NLGN1: variants seen among roughly 807,000 people sequenced by gnomAD.
NLGN1 encodes the protein neuroligin 1.
NLGN1 carries 12 observed loss-of-function variants against 65.5 expected under a neutral mutation model. That is an observed-to-expected ratio of 0.18 (90% CI 0.12 to 0.30). The LOEUF is 0.30. Among genes scored for constraint, NLGN1 ranks in the 10% least tolerant of loss-of-function variants. The pLI, the probability that NLGN1 is intolerant of heterozygous loss-of-function variation, is 1.00. For missense variants in NLGN1, 750 were observed against 1,007.1 expected (o/e 0.74, Z 3.46); for synonymous variants, 350 against 359.5 (o/e 0.97, Z 0.30).
At chr3:173,899,799 G>C (rs1223353219) in intron 4 of NLGN1, among the ~76,000 whole-genome samples, 1 of 152,016 alleles carries the variant, frequency 6.6e-6, no homozygotes, top group African/African-American at 2.4e-5. Flanking sequence ...GTGTAAGTTT[G>C]CTTGCCCATG....
At chr3:173,987,584 T>C (rs1039682315) in intron 4 of NLGN1, among the ~76,000 whole-genome samples, 8 of 152,208 alleles carry the variant, frequency 5.3e-5, no homozygotes, top group African/African-American at 1.9e-4. Context: ...TTATAGTTTC[T>C]ATCTCTTTTG....
At chr3:173,819,440 C>T (rs1719735344) in intron 4 of NLGN1, among the ~76,000 whole-genome samples, 1 of 152,146 alleles carries the variant, frequency 6.6e-6, no homozygotes, top group Admixed American at 6.5e-5. Context: ...AATTACTTTG[C>T]TCTTCTTCTT....
chr3:173,720,276 G>A (rs1770612969), intron 3 of NLGN1, among the ~76,000 whole-genome samples: 1 of 152,106 alleles, frequency 6.6e-6, no homozygotes, highest in South Asian at 2.1e-4. Flanking sequence ...TTGAGGCGGG[G>A]GGTGCCGGCG....
intron 3 of NLGN1, among the ~76,000 whole-genome samples, chr3:173,746,160 G>A (rs1775326028): frequency 6.6e-6 from 1 of 152,014 alleles, no homozygotes; most frequent in African/African-American, 2.4e-5. Context: ...GCGCTTGGTG[G>A]CATGCACCTG....
intron 2 of NLGN1, among the ~76,000 whole-genome samples, chr3:173,456,294 G>A (rs1722507062): frequency 6.6e-6 from 1 of 152,148 alleles, no homozygotes; most frequent in Non-Finnish European, 1.5e-5. Flanking sequence ...AGGTGAGGAT[G>A]GGGAGAAGGC....
intron 2 of NLGN1, among the ~76,000 whole-genome samples, chr3:173,538,965 G>A (rs536550972): frequency 1.3e-5 from 2 of 150,166 alleles, no homozygotes; most frequent in East Asian, 4.0e-4. Flanking sequence ...TTTCTTCCAA[G>A]TCCCTAACCA....
At chr3:173,516,779 A>G (rs1476712711) in intron 2 of NLGN1, among the ~76,000 whole-genome samples, 3 of 152,044 alleles carry the variant, frequency 2.0e-5, no homozygotes, top group Non-Finnish European at 4.4e-5. Context: ...TTCTGACACC[A>G]ATAGGGCTTA....
chr3:173,998,880 T>A (rs1432807495), intron 4 of NLGN1, among the ~76,000 whole-genome samples: 1 of 152,220 alleles, frequency 6.6e-6, no homozygotes, highest in Non-Finnish European at 1.5e-5. Flanking sequence ...TCATGCTGAA[T>A]GCCATCACTT....
At chr3:174,255,435 C>CAAAAAAAAAAAAAAAAAAAAAAAAAAAA (rs71162383) in intron 4 of NLGN1, among the ~76,000 whole-genome samples, 4 of 70,232 alleles carry the variant, frequency 5.7e-5, no homozygotes, top group African/African-American at 1.5e-4. Context: ...GACTCTGTCT[C>CAAAAAAAAAAAAAAAAAAAAAAAAAAAA]AAAAAAAAAA....
At chr3:173,832,344 ACTATT>A (rs1219164182) in intron 4 of NLGN1, among the ~76,000 whole-genome samples, 3 of 152,218 alleles carry the variant, frequency 2.0e-5, no homozygotes, top group African/African-American at 7.2e-5. Flanking sequence ...ATGCGTATCT[ACTATT>A]CTATTATCAC....
downstream of NLGN1, among the ~76,000 whole-genome samples, chr3:174,290,189 T>C (rs1256941932): frequency 1.3e-5 from 2 of 150,730 alleles, no homozygotes. Flanking sequence ...TTATTTTGAA[T>C]CAAAAGAATC....
intron 2 of NLGN1, among the ~76,000 whole-genome samples, chr3:173,582,514 C>A (rs1416393912): frequency 6.6e-6 from 1 of 152,008 alleles, no homozygotes; most frequent in Non-Finnish European, 1.5e-5. Flanking sequence ...AAACAAAAAT[C>A]TCATTATTTT....
chr3:173,922,426 T>A (rs1742222771), intron 4 of NLGN1, among the ~76,000 whole-genome samples: 1 of 152,092 alleles, frequency 6.6e-6, no homozygotes, highest in African/African-American at 2.4e-5. Context: ...TAGCTCAAAT[T>A]TTTAAAAAGC....
chr3:173,430,220 G>T (rs73883128), intron 1 of NLGN1, among the ~76,000 whole-genome samples: 4,363 of 152,118 alleles, frequency 0.029, 205 homozygotes, highest in African/African-American at 0.1. Context: ...CCTCTTGCTT[G>T]CGGTTTTTCA....
At chr3:173,644,997 G>C (rs1758022312) in intron 3 of NLGN1, among the ~76,000 whole-genome samples, 1 of 152,228 alleles carries the variant, frequency 6.6e-6, no homozygotes, top group Non-Finnish European at 1.5e-5. Flanking sequence ...CTGTGGGTAA[G>C]CGGTGATTGG....
At chr3:173,405,976 T>C in intron 1 of NLGN1, among the ~76,000 whole-genome samples, 1 of 152,014 alleles carries the variant, frequency 6.6e-6, no homozygotes, top group South Asian at 2.1e-4. Flanking sequence ...TACATAATAG[T>C]GGAGGGATGT....
intron 3 of NLGN1, among the ~76,000 whole-genome samples, chr3:173,800,536 T>C (rs1220313031): frequency 6.6e-6 from 1 of 151,770 alleles, no homozygotes; most frequent in Non-Finnish European, 1.5e-5. Flanking sequence ...AAAAAATTAA[T>C]ATTAAGTTTT....
chr3:173,439,552 A>G (rs1718776153), intron 2 of NLGN1, among the ~76,000 whole-genome samples: 1 of 151,386 alleles, frequency 6.6e-6, no homozygotes, highest in African/African-American at 2.4e-5. Flanking sequence ...AAAAAAGTAC[A>G]GGAACACCTT....
chr3:174,062,470 C>A (rs1247215233), intron 4 of NLGN1, among the ~76,000 whole-genome samples: 1 of 151,888 alleles, frequency 6.6e-6, no homozygotes, highest in Non-Finnish European at 1.5e-5. Context: ...ATATAATAAT[C>A]TCAACATCTT....
Sources: allele counts gnomAD v4.1 joint callset (sites outside exome capture counted in the v4.1 genomes callset), GRCh38; gene constraint gnomAD v4.1.1; transcripts MANE v1.5; gene names NCBI Gene and HGNC (gene_info 2026-07-23, HGNC 2026-07-21).